SNAP25: variants seen among roughly 807,000 people sequenced by gnomAD.
SNAP25 encodes the protein synaptosome associated protein 25.
SNAP25 carries 3 observed loss-of-function variants against 28.7 expected under a neutral mutation model. The observed-to-expected ratio is 0.10, with a 90% CI of 0.05 to 0.27. The LOEUF is 0.27. Among genes scored for constraint, SNAP25 ranks in the 10% least tolerant of loss-of-function variants. SNAP25 has a pLI of 1.00. For missense variants in SNAP25, 117 were observed against 278.7 expected, an observed-to-expected ratio of 0.42 and a Z score of 4.13; for synonymous variants, 61 against 88.1, an observed-to-expected ratio of 0.69 and a Z score of 1.72.
At position 10,284,605 on chromosome 20, in the gene SNAP25, T is replaced by C. The variant is rs1423691478; in HGVS notation, c.115-119T>C. ...GGCTCTTGTCATACTTTCTCCCTTT[T>C]TTCTTTTGGTCCTTCTTCATTTTCC... On this transcript the variant is annotated intron_variant, in intron 3 of 7. Transcript: ENST00000254976. The C allele has an allele frequency of 2.7e-5, 21 of 792,058 alleles. No individual in the cohort carries two copies. The East Asian group carries it at 5.2e-4, about 20-fold the overall frequency. The allele number at this position is 792,058 out of a possible 1,614,324, so 49.1% of individuals were successfully genotyped here.
intron 4 of SNAP25, among the ~76,000 whole-genome samples, chr20:10,292,436 G>T (rs3025876): frequency 0.027 from 4,131 of 152,238 alleles, 105 homozygotes; most frequent in East Asian, 0.11. Flanking sequence ...GAAGAAAATG[G>T]ATTCTATTTT....
chr20:10,243,163 A>G (rs2063065481), intron 1 of SNAP25, among the ~76,000 whole-genome samples: 1 of 152,228 alleles, frequency 6.6e-6, no homozygotes, highest in South Asian at 2.1e-4. Context: ...CTAAAAATCC[A>G]GAAGCCCAGG....
At chr20:10,233,738 G>A (rs776979630) in intron 1 of SNAP25, among the ~76,000 whole-genome samples, 4 of 152,134 alleles carry the variant, frequency 2.6e-5, no homozygotes, top group South Asian at 2.1e-4. Flanking sequence ...TCAAGATCAC[G>A]TTCTCCCTCG....
intron 1 of SNAP25, among the ~76,000 whole-genome samples, chr20:10,271,185 T>C (rs2063585570): frequency 6.6e-6 from 1 of 152,212 alleles, no homozygotes; most frequent in African/African-American, 2.4e-5. Flanking sequence ...GCCTTGATCA[T>C]AAATGCCACT....
At chr20:10,248,748 A>G (rs749512036) in intron 1 of SNAP25, among the ~76,000 whole-genome samples, 4 of 152,348 alleles carry the variant, frequency 2.6e-5, no homozygotes, top group Non-Finnish European at 2.9e-5. Context: ...AATCTGTACT[A>G]TTGATCCACA....
intron 1 of SNAP25, among the ~76,000 whole-genome samples, chr20:10,230,461 A>G (rs2062809824): frequency 6.6e-6 from 1 of 152,146 alleles, no homozygotes; most frequent in Admixed American, 6.6e-5. Flanking sequence ...TCAATGATTC[A>G]TTACTCTAGG....
chr20:10,290,741 A>T (rs1256433505), intron 4 of SNAP25, among the ~76,000 whole-genome samples: 1 of 152,124 alleles, frequency 6.6e-6, no homozygotes, highest in African/African-American at 2.4e-5. Context: ...GCCATAATCT[A>T]TGCTTATTTC....
chr20:10,263,308 C>T (rs1325525412), intron 1 of SNAP25, among the ~76,000 whole-genome samples: 2 of 150,950 alleles, frequency 1.3e-5, no homozygotes, highest in Admixed American at 6.6e-5. Flanking sequence ...CGTGAGCCAC[C>T]GCACCAGGCC....
rs149211425 is a variant in SNAP25 at position 10,238,101 on chromosome 20, C to T, written c.-64+19124C>T. On this transcript the variant is annotated intron_variant, in intron 1 of 7. Coordinates refer to ENST00000254976, the MANE Select transcript of SNAP25 (RefSeq NM_130811.4). ...GGGATCACTGTCTGCATACTCAAGA[C>T]ATCTTTGAATCTCCAAGTCCTTAAA... Among the ~76,000 whole-genome samples, 198 of 152,302 alleles carry T rather than the reference C, an allele frequency of 1.3e-3. 5 individuals are homozygous for T. Among genetic ancestry groups the T allele is most frequent in the Middle Eastern group, 6.8e-3 (2 of 294 alleles).
At chr20:10,257,201 T>A (rs961507962) in intron 1 of SNAP25, among the ~76,000 whole-genome samples, 4 of 152,134 alleles carry the variant, frequency 2.6e-5, no homozygotes, top group African/African-American at 9.7e-5. Flanking sequence ...GGGCATATGA[T>A]TTAAAAAAGG....
intron 7 of SNAP25, among the ~76,000 whole-genome samples, chr20:10,299,652 T>C (rs1455746631): frequency 6.6e-6 from 1 of 152,228 alleles, no homozygotes; most frequent in Non-Finnish European, 1.5e-5. Flanking sequence ...CAGCCAGGCA[T>C]TGTGCTAGGC....
intron 1 of SNAP25, among the ~76,000 whole-genome samples, chr20:10,273,050 G>A (rs1350534130): frequency 6.6e-6 from 1 of 152,138 alleles, no homozygotes; most frequent in Non-Finnish European, 1.5e-5. Context: ...CGTGGACCTG[G>A]AGGGTGAGAT....
At chr20:10,224,279 T>TTTTTTTTTTTTTTG (rs1442877701) in intron 1 of SNAP25, among the ~76,000 whole-genome samples, 3 of 135,800 alleles carry the variant, frequency 2.2e-5, no homozygotes, top group Non-Finnish European at 3.1e-5. Context: ...TTTTTTTTTT[T>TTTTTTTTTTTTTTG]TTTTTTTTTT....
At chr20:10,252,545 A>G (rs1410160557) in intron 1 of SNAP25, among the ~76,000 whole-genome samples, 1 of 152,196 alleles carries the variant, frequency 6.6e-6, no homozygotes, top group Non-Finnish European at 1.5e-5. Flanking sequence ...TATTACTTTT[A>G]TTGTAGTGAT....
At chr20:10,247,107 G>A (rs907530516) in intron 1 of SNAP25, among the ~76,000 whole-genome samples, 2 of 152,108 alleles carry the variant, frequency 1.3e-5, no homozygotes, top group Non-Finnish European at 2.9e-5. Flanking sequence ...TAAGATCCAT[G>A]TGACCCAAAA....
At chr20:10,235,890 C>T (rs1035678366) in intron 1 of SNAP25, among the ~76,000 whole-genome samples, 3 of 152,178 alleles carry the variant, frequency 2.0e-5, no homozygotes, top group East Asian at 1.9e-4. Context: ...GAACAAGCCC[C>T]AATGTGCAAG....
chr20:10,259,709 T>C (rs2063379270), intron 1 of SNAP25, among the ~76,000 whole-genome samples: 1 of 152,160 alleles, frequency 6.6e-6, no homozygotes, highest in Non-Finnish European at 1.5e-5. Context: ...AGCTAACTTC[T>C]AAATTTTTTG....
chr20:10,296,680 A>T lies in SNAP25; in HGVS notation c.282-245A>T, dbSNP rs1011888719. ...ACTAAACCACAAAACAAACCAAAAC[A>T]AGAACAACCTTGTGGGCAAAGATTG... On this transcript the variant is annotated intron_variant, in intron 5 of 7. Coordinates refer to ENST00000254976, the MANE Select transcript of SNAP25 (RefSeq NM_130811.4). 1.2e-5 allele frequency: 6 copies of T among 482,766 alleles called. 1 individual carries two copies. The highest frequency in any genetic ancestry group is 2.1e-5 in the Non-Finnish European group (6 of 280,050). 29.9% of individuals were successfully genotyped at this position (482,766 alleles called of 1,614,324 possible).
At chr20:10,264,325 T>A (rs902151772) in intron 1 of SNAP25, among the ~76,000 whole-genome samples, 1 of 152,108 alleles carries the variant, frequency 6.6e-6, no homozygotes, top group Non-Finnish European at 1.5e-5. Flanking sequence ...CATACAGATA[T>A]AGAATCCCAT....
Sources: allele counts gnomAD v4.1 joint callset (sites outside exome capture counted in the v4.1 genomes callset), GRCh38; gene constraint gnomAD v4.1.1; transcripts MANE v1.5; gene names NCBI Gene and HGNC (gene_info 2026-07-23, HGNC 2026-07-21).